CFHR2: variants seen among roughly 807,000 people sequenced by gnomAD.
CFHR2 encodes complement factor H related 2.
In CFHR2, 22 loss-of-function variants were observed where a neutral mutation model predicts 21.7. The ratio of observed to expected loss-of-function variants is 1.01; its 90% confidence interval spans 0.72 to 1.45. The LOEUF (loss-of-function observed/expected upper bound fraction) is 1.45. CFHR2 is among the 40% of genes most tolerant of loss of function. The probability of loss-of-function intolerance (pLI) is 0.00; values close to 1 mark genes in which losing one functional copy is unlikely to be tolerated. For synonymous variants in CFHR2, 98 were observed against 97.4 expected (o/e 1.01, Z -0.04); for missense variants, 294 against 293.3 (o/e 1.00, Z -0.02).
chr1:196,954,339 G>T (rs1276170192), intron 3 of CFHR2, among the ~76,000 whole-genome samples: 1 of 152,216 alleles, frequency 6.6e-6, no homozygotes, highest in Non-Finnish European at 1.5e-5. Context: ...CCAAGGCCTT[G>T]GGTAGCTCCA....
intron 3 of CFHR2, among the ~76,000 whole-genome samples, chr1:196,954,350 C>T (rs1032115308): frequency 2.0e-5 from 3 of 152,228 alleles, no homozygotes; most frequent in Non-Finnish European, 2.9e-5. Flanking sequence ...GGTAGCTCCA[C>T]TTCTGTGGCT....
chr1:196,956,067 G>A (rs909606590), intron 3 of CFHR2, among the ~76,000 whole-genome samples: 3 of 152,032 alleles, frequency 2.0e-5, no homozygotes, highest in South Asian at 4.1e-4. Context: ...CAGCATGGGG[G>A]AAGCCATCCC....
chr1:196,955,520 TA>T (rs1652835513), intron 3 of CFHR2, among the ~76,000 whole-genome samples: 1 of 152,164 alleles, frequency 6.6e-6, no homozygotes, highest in South Asian at 2.1e-4. Context: ...GTCACACTGC[TA>T]TAAAGAACTT....
At chr1:196,947,841 C>A (rs565789852) in intron 1 of CFHR2, among the ~76,000 whole-genome samples, 94 of 151,858 alleles carry the variant, frequency 6.2e-4, no homozygotes, top group Non-Finnish European at 1.0e-3. Context: ...AAGAGTGAAC[C>A]CCAACATAAA....
intron 4 of CFHR2, among the ~76,000 whole-genome samples, 168 bp from the exon 5 acceptor site, chr1:196,958,713 T>G (rs1360949543): frequency 6.6e-6 from 1 of 152,082 alleles, no homozygotes; most frequent in East Asian, 1.9e-4. Flanking sequence ...TTACATCATT[T>G]ACCATTTTAA....
At chr1:196,948,169 C>A (rs1237847103) in intron 1 of CFHR2, among the ~76,000 whole-genome samples, 1 of 152,050 alleles carries the variant, frequency 6.6e-6, no homozygotes, top group African/African-American at 2.4e-5. Flanking sequence ...GGACTCTACC[C>A]ACCCCCAGTA....
intron 2 of CFHR2, among the ~76,000 whole-genome samples, chr1:196,950,510 G>T (rs1163192841): frequency 3.3e-5 from 5 of 152,110 alleles, no homozygotes; most frequent in Non-Finnish European, 5.9e-5. Context: ...GTCTCATTCT[G>T]TCACCCAGGC....
chr1:196,958,868 T>C lies in CFHR2; in HGVS notation c.614-13T>C, dbSNP rs937725256. ...CTACTTAATGTTTTATGTTCATTTT[T>C]TTCTACTTTCAGATCCATGTGTAAT... is the stretch of plus-strand genomic sequence containing the variant. On this transcript the variant is annotated splice_polypyrimidine_tract_variant and intron_variant, in intron 4 of 4. Coordinates refer to ENST00000367415, the MANE Select transcript of CFHR2 (RefSeq NM_005666.4). 3 of 1,514,796 alleles carry C rather than the reference T, an allele frequency of 2.0e-6. No homozygotes were observed. Among genetic ancestry groups the C allele is most frequent in the African/African-American group, 2.8e-5 (2 of 72,392 alleles). The allele number at this position is 1,514,796 out of a possible 1,614,324, so 93.8% of individuals were successfully genotyped here.
In CFHR2 at chr1:196,957,914, C is replaced by A. The variant is rs752888673; in HGVS notation, c.454C>A (p.Pro152Thr). ...AGTTTCTGCAGAAAAATGTGGGCCCCCTCCACCTATTGACAATGGAGACAT... is the reference window on the plus strand; with the variant it reads ...AGTTTCTGCAGAAAAATGTGGGCCCACTCCACCTATTGACAATGGAGACAT... ...STISAEKCGP[P>T]PPIDNGDITS... Residue 152 changes from proline to threonine, a missense_variant, in exon 4 of 5, where the codon CCT (proline) becomes ACT (threonine). Physicochemically the swap from Pro to Thr is conservative, Grantham distance 38 (BLOSUM62 -1). Transcript: ENST00000367415. 3 of 1,612,132 alleles carry A rather than the reference C, an allele frequency of 1.9e-6. No homozygotes were observed. The highest frequency in any genetic ancestry group is 1.7e-5 in the Admixed American group (1 of 59,914).
At chr1:196,952,899 G>T (rs1652674760) in intron 3 of CFHR2, among the ~76,000 whole-genome samples, 1 of 152,034 alleles carries the variant, frequency 6.6e-6, no homozygotes, top group African/African-American at 2.4e-5. Context: ...TTCCCTCTTT[G>T]CCTGTCCCTT....
chr1:196,950,462 G>A (rs1659682607), intron 2 of CFHR2, among the ~76,000 whole-genome samples: 1 of 151,618 alleles, frequency 6.6e-6, no homozygotes, highest in East Asian at 1.9e-4. Flanking sequence ...TTTTTTGTTT[G>A]TTTGTTTTGT....
chr1:196,957,417 T>C (rs982129782), intron 3 of CFHR2, among the ~76,000 whole-genome samples: 1 of 151,646 alleles, frequency 6.6e-6, no homozygotes, highest in African/African-American at 2.4e-5. Flanking sequence ...GAAAAGTTTG[T>C]TCCTCATTTT....
In CFHR2 at chr1:196,950,793, C is replaced by T. The variant is rs367892705; in HGVS notation, c.254-59C>T. The stretch of plus-strand genomic sequence containing the variant: ...CTATTTATTAAAATATTTTAAAATG[C>T]AGTTGTACTTTTTCTTTGCTACTTC... On this transcript the variant is annotated intron_variant, in intron 2 of 4. Transcript: ENST00000367415. 9.6e-6 allele frequency: 15 copies of T among 1,570,680 alleles called. No individual in the cohort carries two copies. The East Asian group carries it at 3.1e-4, about 33-fold the overall frequency.
intron 3 of CFHR2, among the ~76,000 whole-genome samples, chr1:196,951,687 G>C (rs1659732972): frequency 6.6e-6 from 1 of 152,006 alleles, no homozygotes; most frequent in Admixed American, 6.6e-5. Flanking sequence ...AAAAACAAAA[G>C]GAGCCCGATG....
At chr1:196,956,676 A>C (rs1223577435) in intron 3 of CFHR2, among the ~76,000 whole-genome samples, 1 of 152,062 alleles carries the variant, frequency 6.6e-6, no homozygotes, top group Non-Finnish European at 1.5e-5. Flanking sequence ...TTGTTTTACT[A>C]TTTGGGTTTA....
intron 3 of CFHR2, among the ~76,000 whole-genome samples, chr1:196,951,281 TTAAG>T (rs1327793543): frequency 1.3e-5 from 2 of 152,120 alleles, no homozygotes; most frequent in Non-Finnish European, 2.9e-5. Flanking sequence ...CCCTTGAAGT[TTAAG>T]TAATACCTGT....
intron 2 of CFHR2, among the ~76,000 whole-genome samples, chr1:196,950,273 A>G (rs1659675500): frequency 6.6e-6 from 1 of 152,216 alleles, no homozygotes; most frequent in Non-Finnish European, 1.5e-5. Context: ...TCCCTAAAAG[A>G]GTTGATAAAC....
chr1:196,958,590 A>T (rs1652990258), intron 4 of CFHR2, among the ~76,000 whole-genome samples: 1 of 152,148 alleles, frequency 6.6e-6, no homozygotes, highest in East Asian at 1.9e-4. Flanking sequence ...TCATAATCAA[A>T]CAAAAACAGC....
chr1:196,944,027 TA>T, intron 1 of CFHR2, 89 bp downstream of exon 1: 1 of 248,750 alleles, frequency 4.0e-6, no homozygotes. Flanking sequence ...TTTAAATGAA[TA>T]AATGGATGAA....
Sources: allele counts gnomAD v4.1 joint callset (sites outside exome capture counted in the v4.1 genomes callset), GRCh38; gene constraint gnomAD v4.1.1; transcripts MANE v1.5; gene names NCBI Gene and HGNC (gene_info 2026-07-23, HGNC 2026-07-21).